Variants in DSCAML1 observed in about 807,000 individuals in gnomAD.
DSCAML1 encodes DS cell adhesion molecule like 1.
DSCAML1 carries 38 observed loss-of-function variants against 200.5 expected under a neutral mutation model. The ratio of observed to expected loss-of-function variants is 0.19; its 90% CI spans 0.15 to 0.25. The LOEUF (loss-of-function observed/expected upper bound fraction) is 0.25. Among genes scored for constraint, DSCAML1 ranks in the 10% least tolerant of loss-of-function variants. The pLI is 1.00. For missense variants in DSCAML1, 2,223 were observed against 2,858.8 expected (o/e 0.78, Z 5.07); for synonymous variants, 1,215 against 1,165.0 (o/e 1.04, Z -0.87).
intron 1 of DSCAML1, among the ~76,000 whole-genome samples, chr11:117,788,136 G>A (rs1038027193): frequency 2.6e-5 from 4 of 152,182 alleles, no homozygotes; most frequent in Non-Finnish European, 4.4e-5. Flanking sequence ...GACAGCATCA[G>A]AGCATGTACC....
At chr11:117,595,823 A>G (rs1034801225) in intron 3 of DSCAML1, among the ~76,000 whole-genome samples, 2 of 152,206 alleles carry the variant, frequency 1.3e-5, no homozygotes, top group African/African-American at 4.8e-5. Context: ...CTTGCAACCA[A>G]CGTAAGACTG....
At chr11:117,721,845 G>A (rs924826299) in intron 3 of DSCAML1, among the ~76,000 whole-genome samples, 34 of 147,524 alleles carry the variant, frequency 2.3e-4, no homozygotes, top group Middle Eastern at 3.6e-3. Flanking sequence ...TCTCGCTGTC[G>A]CCCAGGCTGG....
At chr11:117,614,358 G>A (rs1198615376) in intron 3 of DSCAML1, among the ~76,000 whole-genome samples, 2 of 152,118 alleles carry the variant, frequency 1.3e-5, no homozygotes, top group Non-Finnish European at 2.9e-5. Flanking sequence ...TCTTAACTTG[G>A]CTGCCCAGTG....
chr11:117,518,429 CA>C lies in DSCAML1; in HGVS notation c.1510+36del. On this transcript the variant is annotated intron_variant, in intron 7 of 32. Coordinates refer to ENST00000651296, the MANE Select transcript of DSCAML1 (RefSeq NM_020693.4). The surrounding 1 kb of genome is among the most constrained non-coding windows in gnomAD (Gnocchi z 6.3). ...TAACCACAGAGATGGCAAAGGAACT[CA>C]AAAACCTATTCTGATATTTAAATGT... is the stretch of plus-strand genomic sequence containing the variant. 2.5e-6 allele frequency: 4 copies of C among 1,613,210 alleles called. No homozygotes were observed.
chr11:117,736,248 C>T (rs373712359), intron 3 of DSCAML1, among the ~76,000 whole-genome samples: 41 of 152,296 alleles, frequency 2.7e-4, no homozygotes, highest in Admixed American at 5.9e-4. Context: ...GGAGAATTTG[C>T]GTCCAGCTTA....
intron 3 of DSCAML1, among the ~76,000 whole-genome samples, chr11:117,589,301 C>T (rs1338253432): frequency 2.0e-5 from 3 of 152,220 alleles, no homozygotes; most frequent in Admixed American, 6.5e-5. Flanking sequence ...ACGGGCAGCC[C>T]GTCCTCCTGT....
At chr11:117,555,952 G>A (rs953214630) in intron 3 of DSCAML1, among the ~76,000 whole-genome samples, 14 of 151,944 alleles carry the variant, frequency 9.2e-5, no homozygotes, top group African/African-American at 2.4e-4. Flanking sequence ...GAGGAGGGGC[G>A]GGGGAGGAGG....
intron 1 of DSCAML1, among the ~76,000 whole-genome samples, chr11:117,812,300 T>C (rs2055767884): frequency 6.6e-6 from 1 of 152,198 alleles, no homozygotes; most frequent in South Asian, 2.1e-4. Context: ...ATGCCTGTTA[T>C]CACTCGCCTG....
intron 1 of DSCAML1, among the ~76,000 whole-genome samples, chr11:117,809,241 G>C (rs1254079760): frequency 6.6e-6 from 1 of 152,266 alleles, no homozygotes; most frequent in Non-Finnish European, 1.5e-5. Flanking sequence ...CAGACCTCCA[G>C]GGTGGGGCAG....
intron 3 of DSCAML1, among the ~76,000 whole-genome samples, chr11:117,596,422 A>C (rs2051362364): frequency 6.6e-6 from 1 of 151,250 alleles, no homozygotes; most frequent in African/African-American, 2.4e-5. Flanking sequence ...GGACATGCCA[A>C]AAGGGGTAGA....
intron 3 of DSCAML1, among the ~76,000 whole-genome samples, chr11:117,690,402 T>A (rs886960140): frequency 1.3e-5 from 2 of 152,158 alleles, no homozygotes; most frequent in Non-Finnish European, 2.9e-5. Flanking sequence ...ACCACAGACC[T>A]CCCAAGGGAT....
At chr11:117,473,190 T>C (rs574723767) in intron 14 of DSCAML1, among the ~76,000 whole-genome samples, 1 of 152,300 alleles carries the variant, frequency 6.6e-6, no homozygotes, top group South Asian at 2.1e-4. Flanking sequence ...AAAAATTTTT[T>C]TTTGGTTAAA....
chr11:117,592,175 C>T (rs771505136), intron 3 of DSCAML1, among the ~76,000 whole-genome samples: 46 of 152,216 alleles, frequency 3.0e-4, no homozygotes, highest in East Asian at 2.1e-3. Flanking sequence ...CTGGATTCTC[C>T]GCAGCTCTGG....
At chr11:117,793,551 T>C (rs1339303640) in intron 1 of DSCAML1, among the ~76,000 whole-genome samples, 2 of 152,136 alleles carry the variant, frequency 1.3e-5, no homozygotes, top group African/African-American at 2.4e-5. Context: ...TGCATCCCTC[T>C]GTCATAGGCT....
chr11:117,714,942 A>G (rs1297373010), intron 3 of DSCAML1, among the ~76,000 whole-genome samples: 1 of 151,396 alleles, frequency 6.6e-6, no homozygotes, highest in Non-Finnish European at 1.5e-5. Context: ...CTATTCCACC[A>G]TTCTGTGCCT....
At chr11:117,484,292 CA>C (rs2048993502) in intron 11 of DSCAML1, among the ~76,000 whole-genome samples, 3 of 152,104 alleles carry the variant, frequency 2.0e-5, no homozygotes, top group Non-Finnish European at 2.9e-5. Context: ...GCGTCTGGGA[CA>C]GGAGTAGGGT....
At chr11:117,501,325 G>A (rs994352440) in intron 11 of DSCAML1, among the ~76,000 whole-genome samples, 1 of 152,180 alleles carries the variant, frequency 6.6e-6, no homozygotes, top group South Asian at 2.1e-4. Context: ...TGCACCAGCA[G>A]TCCACCCAGT....
At position 117,624,238 on chromosome 11, in the gene DSCAML1, CA is replaced by C. The variant is rs775502360; in HGVS notation, c.512-91717del. Among the ~76,000 whole-genome samples, 7 of 152,244 alleles carry C rather than the reference CA, an allele frequency of 4.6e-5. No individual in the cohort carries two copies. The East Asian group carries it at 9.7e-4, about 21-fold the overall frequency. The stretch of plus-strand genomic sequence containing the variant: ...CAGCATCACAGGCGTTCACAGAGAT[CA>C]GGGGGAAGGATGGGGAGCAGAGCCA... On this transcript the variant is annotated intron_variant, in intron 3 of 32. Coordinates refer to ENST00000651296, the MANE Select transcript of DSCAML1 (RefSeq NM_020693.4).
chr11:117,762,494 TG>T (rs1312686572), intron 3 of DSCAML1, among the ~76,000 whole-genome samples: 9 of 152,222 alleles, frequency 5.9e-5, no homozygotes, highest in Non-Finnish European at 1.0e-4. Flanking sequence ...CCATTGCCTC[TG>T]GCCTTTGTTT....
Sources: allele counts gnomAD v4.1 joint callset (sites outside exome capture counted in the v4.1 genomes callset), GRCh38; gene constraint gnomAD v4.1.1; non-coding constraint Gnocchi (gnomAD v3.1); transcripts MANE v1.5; gene names NCBI Gene and HGNC (gene_info 2026-07-23, HGNC 2026-07-21).